Variants in TMEM131 observed in about 807,000 individuals in gnomAD.
TMEM131 encodes 2610524E03Rik.
TMEM131 carries 66 observed loss-of-function variants against 211.6 expected under a neutral mutation model. The ratio of observed to expected loss-of-function variants is 0.31; its 90% CI spans 0.26 to 0.38. The LOEUF (loss-of-function observed/expected upper bound fraction) is 0.38. Among genes scored for constraint, TMEM131 ranks in the 10% least tolerant of loss-of-function variants. TMEM131 has a pLI of 1.00. For missense variants in TMEM131, 2,036 were observed against 2,299.3 expected (o/e 0.89, Z 2.34); for synonymous variants, 844 against 841.3 (o/e 1.00, Z -0.06).
In TMEM131 at chr2:97,815,208, A is replaced by ACTT. The variant is rs1681760540; in HGVS notation, c.1280_1282dup (p.Glu427dup). 6.6e-7 allele frequency: 1 copy of ACTT among 1,522,412 alleles called. No individual in the cohort carries two copies. Among genetic ancestry groups the ACTT allele is most frequent in the Non-Finnish European group, 8.8e-7 (1 of 1,138,974 alleles). The allele number at this position is 1,522,412 out of a possible 1,614,324, so 94.3% of individuals were successfully genotyped here. A position where few individuals can be genotyped will look rare whatever the true frequency, so the allele number is the denominator to read the frequency against. On this transcript the variant is annotated inframe_insertion, in exon 13 of 41. Coordinates refer to ENST00000186436, the MANE Select transcript of TMEM131 (RefSeq NM_015348.2). ...TTAAAAAGAAACTCACCCATCTAAAACTTCTGCTTGATATGGTATTTCAAG... is the reference window on the plus strand; with the variant it reads ...TTAAAAAGAAACTCACCCATCTAAAACTTCTTCTGCTTGATATGGTATTTCAAG...
chr2:97,907,663 A>C (rs1393071813), intron 3 of TMEM131, among the ~76,000 whole-genome samples: 3 of 152,196 alleles, frequency 2.0e-5, no homozygotes, highest in Admixed American at 6.5e-5. Context: ...ATTTTTAAGG[A>C]TAAATTTGCC....
chr2:97,844,152 G>A lies in TMEM131; in HGVS notation c.593C>T (p.Thr198Ile), dbSNP rs1345745822. The part of the protein sequence containing the change: ...FINTSNHGVF[T>I]YQVFGVGVPN... ...TTTAATTCTGGTTCTTACCTGGTAA[G>A]TAAATACCCCATGATTAGATGTATT... is the stretch of plus-strand genomic sequence containing the variant. The change falls in exon 6 of 41, where the codon ACT (threonine) becomes ATT (isoleucine). Residue 198 changes from threonine to isoleucine, a missense_variant. Thr to Ile is a moderately conservative substitution (Grantham distance 89). Around this residue, in one of 3 missense-constraint regions of TMEM131, gnomAD observed 277 missense variants for 378.0 expected, o/e 0.73. Transcript: ENST00000186436. 2 of 1,052,102 alleles carry A rather than the reference G, an allele frequency of 1.9e-6. No homozygotes were observed. 65.2% of individuals were successfully genotyped at this position (1,052,102 alleles called of 1,614,324 possible). A position where few individuals can be genotyped will look rare whatever the true frequency, so the allele number is the denominator to read the frequency against.
intron 2 of TMEM131, among the ~76,000 whole-genome samples, chr2:97,916,597 T>C (rs1676517832): frequency 6.6e-6 from 1 of 152,192 alleles, no homozygotes; most frequent in African/African-American, 2.4e-5. Context: ...GTAAAACTGA[T>C]AATGTAGAGT....
chr2:97,929,749 C>T (rs569646675), intron 1 of TMEM131, among the ~76,000 whole-genome samples: 23 of 151,860 alleles, frequency 1.5e-4, no homozygotes, highest in Admixed American at 6.5e-4. Context: ...AGAGAATATT[C>T]AATAAATACT....
intron 4 of TMEM131, among the ~76,000 whole-genome samples, chr2:97,880,015 G>A (rs2104193647): frequency 6.6e-6 from 1 of 152,272 alleles, no homozygotes; most frequent in Non-Finnish European, 1.5e-5. Context: ...GAGGTCTGCT[G>A]CTTTCAAATG....
At chr2:97,767,828 G>A (rs549847830) in intron 33 of TMEM131, among the ~76,000 whole-genome samples, 7 of 152,266 alleles carry the variant, frequency 4.6e-5, no homozygotes, top group African/African-American at 1.2e-4. Flanking sequence ...GTTGCCTTCT[G>A]TCCTCCCAGC....
At chr2:97,766,081 G>A (rs779520804) in intron 35 of TMEM131, 33 bp downstream of exon 35, 1 of 1,610,952 alleles carries the variant, frequency 6.2e-7, no homozygotes, top group Admixed American at 1.7e-5. Flanking sequence ...GTGGGTAAGT[G>A]GAGCCCTGTG....
Position 97,757,036 on chromosome 2 carries a change from T to C in TMEM131, c.*63A>G, listed in dbSNP as rs1430289745. On this transcript the variant is annotated 3_prime_UTR_variant, in exon 41 of 41. Coordinates refer to ENST00000186436, the MANE Select transcript of TMEM131 (RefSeq NM_015348.2). ...GCAGTAAGAGCCTTAAAAAGATGTCTCAGAAACTGGCACATCATGATCTAG... is the reference window on the plus strand; with the variant it reads ...GCAGTAAGAGCCTTAAAAAGATGTCCCAGAAACTGGCACATCATGATCTAG... 6.0e-6 allele frequency: 9 copies of C among 1,491,304 alleles called. No individual in the cohort carries two copies. In the Admixed American group the frequency reaches 1.9e-4, roughly 32 times the overall value. The allele number at this position is 1,491,304 out of a possible 1,614,324, so 92.4% of individuals were successfully genotyped here.
chr2:97,911,099 T>A (rs529768254), intron 2 of TMEM131, among the ~76,000 whole-genome samples: 1 of 152,294 alleles, frequency 6.6e-6, no homozygotes, highest in South Asian at 2.1e-4. Flanking sequence ...TACAATGGAA[T>A]ACGACTCAGC....
chr2:97,818,779 C>T (rs1681969619), intron 11 of TMEM131, 58 bp from the exon 12 acceptor site: 2 of 1,100,456 alleles, frequency 1.8e-6, no homozygotes, highest in Non-Finnish European at 2.7e-6. Flanking sequence ...GTTCAGTTGC[C>T]TTATACTTAT....
At chr2:97,850,743 GAA>G (rs1673590964) in intron 5 of TMEM131, among the ~76,000 whole-genome samples, 1 of 152,068 alleles carries the variant, frequency 6.6e-6, no homozygotes, top group Non-Finnish European at 1.5e-5. Context: ...AAAAAAAGGT[GAA>G]AGTTTTAGAA....
chr2:97,941,255 A>C (rs1677712189), intron 1 of TMEM131, among the ~76,000 whole-genome samples: 1 of 152,196 alleles, frequency 6.6e-6, no homozygotes, highest in South Asian at 2.1e-4. Context: ...TGGTGCTGGG[A>C]AAACTGGCTA....
chr2:97,846,336 C>A (rs1683429301), intron 5 of TMEM131, among the ~76,000 whole-genome samples: 1 of 152,148 alleles, frequency 6.6e-6, no homozygotes, highest in Non-Finnish European at 1.5e-5. Context: ...ATAAAACGGG[C>A]AACACATCAT....
chr2:97,965,477 G>A (rs891729254), intron 1 of TMEM131, among the ~76,000 whole-genome samples: 4 of 152,150 alleles, frequency 2.6e-5, no homozygotes, highest in African/African-American at 4.8e-5. Flanking sequence ...CGGGGTACCC[G>A]CCAGGTGGTG....
At position 97,833,363 on chromosome 2, in the gene TMEM131, A is replaced by T; in HGVS notation, c.1074+2T>A. 8.0e-7 allele frequency: 1 copy of T among 1,251,062 alleles called. No individual in the cohort carries two copies. The highest frequency in any genetic ancestry group is 1.1e-6 in the Non-Finnish European group (1 of 884,718). The allele number at this position is 1,251,062 out of a possible 1,614,324, so 77.5% of individuals were successfully genotyped here. A position where few individuals can be genotyped will look rare whatever the true frequency, so the allele number is the denominator to read the frequency against. On this transcript the variant is annotated splice_donor_variant, in intron 11 of 40. Transcript: ENST00000186436. LOFTEE classifies it high-confidence loss of function. Reference sequence around the variant, plus strand: ...TAGGGGAAAAAAGAAGTAAAAACTTACTGTTATTGGTACATCTTTTGTTCC... The same window carrying T: ...TAGGGGAAAAAAGAAGTAAAAACTTTCTGTTATTGGTACATCTTTTGTTCC...
intron 32 of TMEM131, among the ~76,000 whole-genome samples, chr2:97,774,214 T>G (rs1241445156): frequency 6.6e-6 from 1 of 152,252 alleles, no homozygotes; most frequent in Non-Finnish European, 1.5e-5. Flanking sequence ...CCATCAGGTA[T>G]CTTGTAAACC....
At chr2:97,774,318 T>C (rs1206786017) in intron 32 of TMEM131, among the ~76,000 whole-genome samples, 1 of 152,228 alleles carries the variant, frequency 6.6e-6, no homozygotes, top group Non-Finnish European at 1.5e-5. Flanking sequence ...TCAATTCCTA[T>C]GTGTTGACTG....
At chr2:97,780,399 G>A (rs371761587) in intron 31 of TMEM131, among the ~76,000 whole-genome samples, 87 of 152,192 alleles carry the variant, frequency 5.7e-4, no homozygotes, top group African/African-American at 1.9e-3. Flanking sequence ...CTGGCCACCC[G>A]TAATGGCCTT....
At chr2:97,765,675 T>C (rs1228437030) in intron 35 of TMEM131, among the ~76,000 whole-genome samples, 4 of 152,204 alleles carry the variant, frequency 2.6e-5, no homozygotes, top group East Asian at 1.9e-4. Flanking sequence ...AGGTTGCTCA[T>C]GTAAAAAGAT....
Sources: allele counts gnomAD v4.1 joint callset (sites outside exome capture counted in the v4.1 genomes callset), GRCh38; gene constraint gnomAD v4.1.1; regional missense constraint gnomAD v4.1.1; transcripts MANE v1.5; gene names NCBI Gene and HGNC (gene_info 2026-07-23, HGNC 2026-07-21).